Variants in TMEM26 observed in about 807,000 individuals in gnomAD.
TMEM26 encodes transmembrane protein 26.
A neutral mutation model predicts 28.8 loss-of-function variants in TMEM26; 38 were observed. That is an observed-to-expected ratio of 1.32 (90% CI 1.02 to 1.73). The LOEUF is 1.73. Among genes scored for constraint, TMEM26 ranks in the 40% most tolerant of loss-of-function variants. The pLI is 0.00. For missense variants in TMEM26, 518 were observed against 447.1 expected (o/e 1.16, Z -1.43); for synonymous variants, 227 against 182.9 (o/e 1.24, Z -1.95).
chr10:61,418,166 C>T (rs1338146063), intron 4 of TMEM26, among the ~76,000 whole-genome samples: 3 of 151,836 alleles, frequency 2.0e-5, no homozygotes, highest in Non-Finnish European at 4.4e-5. Flanking sequence ...CTCAACTCTG[C>T]TAAAACAAAA....
chr10:61,420,140 T>C (rs565379915), intron 4 of TMEM26, among the ~76,000 whole-genome samples: 1 of 151,088 alleles, frequency 6.6e-6, no homozygotes, highest in Non-Finnish European at 1.5e-5. Flanking sequence ...GTATGTTATA[T>C]GTATTACACA....
intron 5 of TMEM26, among the ~76,000 whole-genome samples, chr10:61,411,676 C>G (rs544932306): frequency 2.6e-5 from 4 of 152,224 alleles, no homozygotes; most frequent in Non-Finnish European, 5.9e-5. Context: ...TACTGATTTT[C>G]CAGTTAAACA....
intron 4 of TMEM26, chr10:61,414,990 T>C (rs1288097366): frequency 1.4e-5 from 14 of 985,230 alleles, no homozygotes; most frequent in Non-Finnish European, 1.7e-5. Context: ...GACTCTCCAA[T>C]GGGTTGTTGA....
At chr10:61,439,406 C>G (rs1420213729) in intron 1 of TMEM26, among the ~76,000 whole-genome samples, 1 of 152,164 alleles carries the variant, frequency 6.6e-6, no homozygotes, top group Non-Finnish European at 1.5e-5. Flanking sequence ...CAAATTAATG[C>G]TTACTAAGCA....
chr10:61,428,662 A>G (rs1363747280), intron 4 of TMEM26, among the ~76,000 whole-genome samples: 2 of 152,174 alleles, frequency 1.3e-5, no homozygotes, highest in East Asian at 1.9e-4. Context: ...GGTCATGAAA[A>G]CATGCAGAGC....
chr10:61,429,195 G>C, intron 3 of TMEM26, 49 bp from the exon 4 acceptor site: 2 of 1,488,812 alleles, frequency 1.3e-6, no homozygotes, highest in South Asian at 2.3e-5. Flanking sequence ...CACCACCTGA[G>C]AGAGAAATAT....
intron 4 of TMEM26, among the ~76,000 whole-genome samples, chr10:61,428,421 C>T (rs1839866573): frequency 1.3e-5 from 2 of 152,046 alleles, no homozygotes; most frequent in Non-Finnish European, 2.9e-5. Context: ...AAAATAAAAC[C>T]TCATCTGCCC....
At position 61,431,261 on chromosome 10, in the gene TMEM26, T is replaced by A. The variant is rs2135312510; in HGVS notation, c.342A>T (p.Thr114=). 6.2e-7 allele frequency: 1 copy of A among 1,613,266 alleles called. No individual in the cohort carries two copies. Among genetic ancestry groups the A allele is most frequent in the Non-Finnish European group, 8.5e-7 (1 of 1,179,394 alleles). The part of the protein sequence containing the change: ...SRKEDFNQTL[T]SNEQTSRADD... ...CAGCTCTACTGGTTTGTTCATTGGA[T>A]GTCAATGTTTGATTGAAGTCTTCTT... Residue 114 remains threonine (T), a synonymous_variant, in exon 3 of 6, where the codon ACA becomes ACT. Coordinates refer to ENST00000399298, the MANE Select transcript of TMEM26 (RefSeq NM_178505.8).
intron 4 of TMEM26, among the ~76,000 whole-genome samples, chr10:61,415,527 A>T (rs1690424109): frequency 6.6e-6 from 1 of 152,080 alleles, no homozygotes; most frequent in South Asian, 2.1e-4. Flanking sequence ...TTCTCACACC[A>T]GCTCAACAAA....
At chr10:61,412,304 C>T (rs903179525) in intron 5 of TMEM26, among the ~76,000 whole-genome samples, 1 of 151,928 alleles carries the variant, frequency 6.6e-6, no homozygotes, top group African/African-American at 2.4e-5. Context: ...ATAAGTGATT[C>T]CGTTTTTGGC....
intron 4 of TMEM26, among the ~76,000 whole-genome samples, chr10:61,421,520 AGGGTGGGC>A (rs1226423059): frequency 3.3e-5 from 5 of 152,150 alleles, no homozygotes; most frequent in African/African-American, 9.7e-5. Context: ...CATATGGATT[AGGGTGGGC>A]CCTAATCCAA....
At chr10:61,447,572 T>C (rs1159120603) in intron 1 of TMEM26, among the ~76,000 whole-genome samples, 2 of 152,204 alleles carry the variant, frequency 1.3e-5, no homozygotes, top group Non-Finnish European at 2.9e-5. Context: ...TAATACACAG[T>C]GTTTAAAATG....
intron 4 of TMEM26, among the ~76,000 whole-genome samples, chr10:61,423,654 C>T (rs560370523): frequency 1.3e-5 from 2 of 152,162 alleles, no homozygotes; most frequent in Non-Finnish European, 2.9e-5. Flanking sequence ...GGGAAGATCA[C>T]TTGAGTCCAG....
intron 1 of TMEM26, among the ~76,000 whole-genome samples, chr10:61,444,588 T>C (rs1451562584): frequency 6.6e-6 from 1 of 151,694 alleles, no homozygotes; most frequent in African/African-American, 2.4e-5. Context: ...TTCCCTACAT[T>C]GTGTTCTAAG....
At position 61,453,263 on chromosome 10, in the gene TMEM26, A is replaced by G. The variant is rs746523779; in HGVS notation, c.-182T>C. The G allele has an allele frequency of 1.6e-6, 1 of 621,196 alleles. No individual in the cohort carries two copies. Among genetic ancestry groups the G allele is most frequent in the East Asian group, 2.8e-5 (1 of 35,524 alleles). The allele number at this position is 621,196 out of a possible 1,614,324, so 38.5% of individuals were successfully genotyped here. A position where few individuals can be genotyped will look rare whatever the true frequency, so the allele number is the denominator to read the frequency against. Reference sequence around the variant, plus strand: ...TGGTGCGCGGCTCGCCCCTCCCCCAAACTTCCTGAGAACTCTTCAAAGAGG... The same window carrying G: ...TGGTGCGCGGCTCGCCCCTCCCCCAGACTTCCTGAGAACTCTTCAAAGAGG... On this transcript the variant is annotated 5_prime_UTR_variant, in exon 1 of 6. Transcript: ENST00000399298.
In TMEM26 at chr10:61,409,334, C is replaced by G. The variant is rs1260106407; in HGVS notation, c.*988G>C. 1 of 152,198 alleles carries G rather than the reference C, an allele frequency of 6.6e-6. No individual in the cohort carries two copies. The highest frequency in any genetic ancestry group is 1.5e-5 in the Non-Finnish European group (1 of 68,056). 9.4% of individuals were successfully genotyped at this position (152,198 alleles called of 1,614,324 possible). A position where few individuals can be genotyped will look rare whatever the true frequency, so the allele number is the denominator to read the frequency against. On this transcript the variant is annotated 3_prime_UTR_variant, in exon 6 of 6. Coordinates refer to ENST00000399298, the MANE Select transcript of TMEM26 (RefSeq NM_178505.8). ...TTGGCCATGGGTGGAGCTGATGCAA[C>G]CCTCCATCACCATGTTCCCTGAGAG...
rs762673180 is a variant in TMEM26, at chr10:61,413,539, G to T, written c.606-4C>A. 3 of 1,591,168 alleles carry T rather than the reference G, an allele frequency of 1.9e-6. No homozygotes were observed. The highest frequency in any genetic ancestry group is 3.6e-5 in the Admixed American group (2 of 54,836). ...ATAGACTAGTGCAGGACTATTCCTA[G>T]AATACAGACAAAATGTTAAATTTGT... On this transcript the variant is annotated splice_polypyrimidine_tract_variant and splice_region_variant and intron_variant, in intron 4 of 5. Transcript: ENST00000399298.
rs1223651066 is a variant in TMEM26, at chr10:61,408,753, A to G, written c.*1569T>C. 1 of 152,232 alleles carries G rather than the reference A, an allele frequency of 6.6e-6. No individual in the cohort carries two copies. Among genetic ancestry groups the G allele is most frequent in the Non-Finnish European group, 1.5e-5 (1 of 68,042 alleles). The allele number at this position is 152,232 out of a possible 1,614,324, so 9.4% of individuals were successfully genotyped here. ...CCATTAGTTCCATGTGTCATTTTAT[A>G]GTCATTATATTGTTAAAATTAGAAG... On this transcript the variant is annotated 3_prime_UTR_variant, in exon 6 of 6. Transcript: ENST00000399298.
intron 4 of TMEM26, among the ~76,000 whole-genome samples, chr10:61,423,409 C>T (rs548670742): frequency 2.0e-5 from 3 of 152,046 alleles, no homozygotes; most frequent in Non-Finnish European, 4.4e-5. Flanking sequence ...ATCAATATGC[C>T]TCATAAGCAA....
Sources: gnomAD v4.1 joint callset for allele counts (sites outside exome capture counted in the v4.1 genomes callset) on GRCh38, gnomAD v4.1.1 for gene constraint, MANE v1.5 for transcripts, NCBI Gene and HGNC (gene_info 2026-07-23, HGNC 2026-07-21) for gene names.